RNF220: variants seen among roughly 807,000 people sequenced by gnomAD.
RNF220 encodes the protein ring finger protein 220.
RNF220 carries 7 observed loss-of-function variants against 67.1 expected under a neutral mutation model. The ratio of observed to expected loss-of-function variants is 0.10; its 90% CI spans 0.06 to 0.20. The LOEUF (loss-of-function observed/expected upper bound fraction) is 0.20. Among genes scored for constraint, RNF220 ranks in the 10% least tolerant of loss-of-function variants. The probability of loss-of-function intolerance (pLI) is 1.00; values close to 1 mark genes in which losing one functional copy is unlikely to be tolerated. For missense variants in RNF220, 565 were observed against 740.3 expected (o/e 0.76, Z 2.75); for synonymous variants, 270 against 283.2 (o/e 0.95, Z 0.47).
chr1:44,519,964 C>T (rs1420584572), intron 2 of RNF220, among the ~76,000 whole-genome samples: 1 of 151,984 alleles, frequency 6.6e-6, no homozygotes, highest in East Asian at 1.9e-4. Context: ...AAAGATAACT[C>T]AGGGCTAGTG....
chr1:44,478,329 TTTC>T (rs1655472445), intron 2 of RNF220, among the ~76,000 whole-genome samples: 1 of 152,116 alleles, frequency 6.6e-6, no homozygotes, highest in Admixed American at 6.5e-5. Context: ...CTAAATATGG[TTTC>T]TCTTGATCTG....
At chr1:44,647,483 G>GC (rs1177115039) in intron 12 of RNF220, among the ~76,000 whole-genome samples, 1 of 151,218 alleles carries the variant, frequency 6.6e-6, no homozygotes, top group African/African-American at 2.4e-5. Context: ...CTAAATGGAA[G>GC]CCCCCAGGGA....
intron 2 of RNF220, among the ~76,000 whole-genome samples, chr1:44,420,419 G>A (rs1649081495): frequency 6.6e-6 from 1 of 152,210 alleles, no homozygotes; most frequent in South Asian, 2.1e-4. Flanking sequence ...GAGGGGGCAA[G>A]GGCCAGCCCT....
intron 2 of RNF220, among the ~76,000 whole-genome samples, chr1:44,444,260 C>T (rs1172113399): frequency 6.6e-6 from 1 of 152,046 alleles, no homozygotes; most frequent in Non-Finnish European, 1.5e-5. Context: ...TGTAAACATC[C>T]CCAAACAATA....
intron 2 of RNF220, among the ~76,000 whole-genome samples, chr1:44,507,658 C>A (rs931954366): frequency 1.8e-4 from 28 of 152,086 alleles, no homozygotes; most frequent in African/African-American, 6.8e-4. Context: ...ACCACACTTA[C>A]TTCCAGCTGG....
intron 3 of RNF220, among the ~76,000 whole-genome samples, chr1:44,619,148 C>A (rs1004000695): frequency 6.6e-6 from 1 of 152,128 alleles, no homozygotes; most frequent in Non-Finnish European, 1.5e-5. Context: ...GAGTTTCCAT[C>A]CAGAGAGATG....
rs1332814384 is a variant in RNF220 at position 44,454,476 on chromosome 1, TC to T, written c.625+41755del. 1.1e-4 allele frequency among the ~76,000 whole-genome samples: 17 copies of T among 152,322 alleles called. 2 individuals carry two copies. The highest frequency in any genetic ancestry group is 4.1e-4 in the African/African-American group (17 of 41,586). On this transcript the variant is annotated intron_variant, in intron 2 of 14. Coordinates refer to ENST00000361799, the MANE Select transcript of RNF220 (RefSeq NM_018150.4). ...AAAATTAAATCCCCCTTTTTTTCCT[TC>T]TAATACTATTTACCTGTGTATTTTC... is the stretch of plus-strand genomic sequence containing the variant.
chr1:44,543,511 G>A (rs1661850850), intron 2 of RNF220, among the ~76,000 whole-genome samples: 1 of 152,040 alleles, frequency 6.6e-6, no homozygotes, highest in African/African-American at 2.4e-5. Context: ...TTTCTTTGGG[G>A]ACTGATCCTT....
intron 2 of RNF220, among the ~76,000 whole-genome samples, chr1:44,599,480 C>G (rs373818136): frequency 3.9e-5 from 6 of 152,026 alleles, no homozygotes; most frequent in Admixed American, 1.3e-4. Flanking sequence ...CAAGACCAGC[C>G]TGGGCAACAT....
At chr1:44,404,802 G>A (rs528677564), upstream of RNF220, among the ~76,000 whole-genome samples, 4 of 152,254 alleles carry the variant, frequency 2.6e-5, no homozygotes, top group South Asian at 6.2e-4. Flanking sequence ...AAGCATTCCA[G>A]GAACAAAGCA....
At chr1:44,527,937 A>AAAAAG (rs2148180472) in intron 2 of RNF220, among the ~76,000 whole-genome samples, 1 of 138,150 alleles carries the variant, frequency 7.2e-6, no homozygotes. Context: ...AAAAAAAAAA[A>AAAAAG]AAAAAAAAAA....
At chr1:44,560,441 A>G (rs1367657416) in intron 2 of RNF220, among the ~76,000 whole-genome samples, 1 of 152,228 alleles carries the variant, frequency 6.6e-6, no homozygotes, top group Non-Finnish European at 1.5e-5. Flanking sequence ...AATGGACAAA[A>G]AAAAGGATGC....
At chr1:44,642,619 G>A (rs561586537) in intron 8 of RNF220, among the ~76,000 whole-genome samples, 1 of 152,334 alleles carries the variant, frequency 6.6e-6, no homozygotes, top group East Asian at 1.9e-4. Flanking sequence ...GCCAGGCATG[G>A]TGGGCAGTAA....
In RNF220 at chr1:44,645,530, G is replaced by A. The variant is rs1449429086; in HGVS notation, c.1445+42G>A. ...GAGAGAGCCCTGGGACCACAGTTCAGTGGGAGGAGGGGCCCTTTGCTAGCA... is the reference window on the plus strand; with the variant it reads ...GAGAGAGCCCTGGGACCACAGTTCAATGGGAGGAGGGGCCCTTTGCTAGCA... On this transcript the variant is annotated intron_variant, in intron 12 of 14. Coordinates refer to ENST00000361799, the MANE Select transcript of RNF220 (RefSeq NM_018150.4). This position sits in a 1 kb window ranked among gnomAD's most constrained non-coding sequence, Gnocchi z 5.0. 1.9e-6 allele frequency: 3 copies of A among 1,593,056 alleles called. No homozygotes were observed. The Admixed American group carries it at 5.0e-5, about 27-fold the overall frequency.
chr1:44,444,576 G>C (rs1031111256), intron 2 of RNF220, among the ~76,000 whole-genome samples: 5 of 150,980 alleles, frequency 3.3e-5, no homozygotes, highest in African/African-American at 4.9e-5. Context: ...GAGTAGCTGG[G>C]ACTACAGCCA....
chr1:44,413,318 T>C (rs1648175212), intron 2 of RNF220, among the ~76,000 whole-genome samples: 1 of 152,226 alleles, frequency 6.6e-6, no homozygotes, highest in South Asian at 2.1e-4. Context: ...AGCCGACTTC[T>C]CTTGGGATTT....
chr1:44,550,918 C>G (rs1283558343), intron 2 of RNF220, among the ~76,000 whole-genome samples: 1 of 152,098 alleles, frequency 6.6e-6, no homozygotes, highest in Non-Finnish European at 1.5e-5. Context: ...TGTCACATGA[C>G]ACACTTGAAC....
rs1261065319 is a variant in RNF220 at position 44,417,751 on chromosome 1, G to A, written c.625+5029G>A. On this transcript the variant is annotated intron_variant, in intron 2 of 14. Transcript: ENST00000361799. The surrounding 1 kb of genome is among the most constrained non-coding windows in gnomAD (Gnocchi z 4.0). ...AAGGGTGGCTGGTAATTGATCTTCTGGGGGAGGGGGCGCGGAGAGGCGCGA... is the reference window on the plus strand; with the variant it reads ...AAGGGTGGCTGGTAATTGATCTTCTAGGGGAGGGGGCGCGGAGAGGCGCGA... Among the ~76,000 whole-genome samples, 1 of 152,188 alleles carries A rather than the reference G, an allele frequency of 6.6e-6. No individual in the cohort carries two copies. Among genetic ancestry groups the A allele is most frequent in the Non-Finnish European group, 1.5e-5 (1 of 68,026 alleles).
chr1:44,498,226 G>A (rs971883510), intron 2 of RNF220, among the ~76,000 whole-genome samples: 2 of 152,096 alleles, frequency 1.3e-5, no homozygotes, highest in African/African-American at 4.8e-5. Flanking sequence ...AGAACCATTG[G>A]CAGATGTGTG....
Sources: allele counts gnomAD v4.1 joint callset (sites outside exome capture counted in the v4.1 genomes callset), GRCh38; gene constraint gnomAD v4.1.1; non-coding constraint Gnocchi (gnomAD v3.1); transcripts MANE v1.5; gene names NCBI Gene and HGNC (gene_info 2026-07-23, HGNC 2026-07-21).